Variants in SPAG16 observed in about 807,000 individuals in gnomAD.
SPAG16 encodes sperm associated antigen 16, also known as sperm-associated antigen 16 protein.
Under a neutral mutation model 80.4 loss-of-function variants are expected in SPAG16, and 86 were observed. The observed-to-expected ratio is 1.07, with a 90% CI of 0.90 to 1.28. The LOEUF (loss-of-function observed/expected upper bound fraction) is 1.28. Ranked by LOEUF, SPAG16 falls within the 50% of genes most tolerant of loss-of-function variation. The probability of loss-of-function intolerance (pLI) is 0.00; values close to 1 mark genes in which losing one functional copy is unlikely to be tolerated. For synonymous variants in SPAG16, 294 were observed against 265.9 expected (o/e 1.11, Z -1.03); for missense variants, 870 against 765.3 (o/e 1.14, Z -1.61).
intron 15 of SPAG16, among the ~76,000 whole-genome samples, chr2:214,224,499 T>G (rs1028723300): frequency 1.3e-5 from 2 of 152,144 alleles, no homozygotes. Context: ...ATAATAAGTT[T>G]GAAAAAGCTT....
chr2:214,217,577 T>C (rs2058464044), intron 15 of SPAG16, among the ~76,000 whole-genome samples: 1 of 152,198 alleles, frequency 6.6e-6, no homozygotes, highest in Non-Finnish European at 1.5e-5. Context: ...TAAGAGTACT[T>C]AATAAACACA....
chr2:213,967,088 A>G (rs1221096682), intron 12 of SPAG16, among the ~76,000 whole-genome samples: 1 of 152,152 alleles, frequency 6.6e-6, no homozygotes, highest in East Asian at 1.9e-4. Flanking sequence ...TTTCCTGTAA[A>G]TTCAAGTAGT....
intron 13 of SPAG16, among the ~76,000 whole-genome samples, chr2:214,038,369 TTC>T (rs1382002079): frequency 6.6e-6 from 1 of 152,154 alleles, no homozygotes; most frequent in African/African-American, 2.4e-5. Flanking sequence ...TCAATTTCAG[TTC>T]TGTTATTTCT....
At chr2:214,322,557 A>G (rs1696176242) in intron 15 of SPAG16, among the ~76,000 whole-genome samples, 2 of 151,908 alleles carry the variant, frequency 1.3e-5, no homozygotes, top group Admixed American at 6.6e-5. Flanking sequence ...TGTATTGCCA[A>G]AAAATAAATT....
chr2:214,208,422 A>G (rs560800827), intron 15 of SPAG16, among the ~76,000 whole-genome samples: 1 of 152,290 alleles, frequency 6.6e-6, no homozygotes, highest in East Asian at 1.9e-4. Context: ...TATGGAGAAT[A>G]CTGATAGTCC....
intron 12 of SPAG16, among the ~76,000 whole-genome samples, chr2:214,001,943 C>T (rs1256048724): frequency 6.6e-6 from 1 of 152,190 alleles, no homozygotes; most frequent in Non-Finnish European, 1.5e-5. Flanking sequence ...AATGGACTCA[C>T]AGTTCCATGT....
intron 9 of SPAG16, chr2:213,422,030 T>G (rs1335193707): frequency 3.4e-6 from 2 of 583,640 alleles, no homozygotes; most frequent in African/African-American, 3.7e-5. Context: ...TTCATGTACC[T>G]CATTCTTCCT....
chr2:213,463,132 T>G (rs952905167), intron 9 of SPAG16, among the ~76,000 whole-genome samples: 1 of 152,204 alleles, frequency 6.6e-6, no homozygotes, highest in South Asian at 2.1e-4. Flanking sequence ...AGACTGGCAG[T>G]GTTTTGCTCC....
At chr2:213,609,939 C>A (rs1202633241) in intron 10 of SPAG16, among the ~76,000 whole-genome samples, 1 of 152,012 alleles carries the variant, frequency 6.6e-6, no homozygotes, top group African/African-American at 2.4e-5. Context: ...CCCAGGGGCA[C>A]AGAGAAAGCA....
Position 214,318,667 on chromosome 2 carries a change from C to T in SPAG16, c.1721-91473C>T, listed in dbSNP as rs148497092. 6.7e-3 allele frequency among the ~76,000 whole-genome samples: 1,015 copies of T among 152,162 alleles called. 6 individuals are homozygous for T. The highest frequency in any genetic ancestry group is 0.011 in the Non-Finnish European group (741 of 67,988). ...CTGGGATGACAGGCATGAGCCACCG[C>T]GCCCAGCCCAGAGAGTGGACTCTTT... On this transcript the variant is annotated intron_variant, in intron 15 of 15. Transcript: ENST00000331683.
intron 10 of SPAG16, among the ~76,000 whole-genome samples, chr2:213,745,072 C>T (rs1021221365): frequency 2.0e-5 from 3 of 152,140 alleles, no homozygotes; most frequent in African/African-American, 7.2e-5. Context: ...GTTATGGTTT[C>T]ACGTTTTCAA....
intron 15 of SPAG16, among the ~76,000 whole-genome samples, chr2:214,285,686 C>G (rs562148116): frequency 6.6e-6 from 1 of 152,166 alleles, no homozygotes; most frequent in Non-Finnish European, 1.5e-5. Flanking sequence ...GCCTGTAATT[C>G]CAGCTACTCA....
chr2:213,886,515 C>A (rs2076561048), intron 11 of SPAG16, among the ~76,000 whole-genome samples: 1 of 151,990 alleles, frequency 6.6e-6, no homozygotes, highest in Admixed American at 6.6e-5. Context: ...GAAAAAACAA[C>A]CACAGCAACA....
intron 13 of SPAG16, among the ~76,000 whole-genome samples, chr2:214,036,993 G>A (rs773226892): frequency 1.3e-5 from 2 of 151,892 alleles, no homozygotes; most frequent in Non-Finnish European, 2.9e-5. Flanking sequence ...TATTCTAAAA[G>A]TGAGATCTAT....
intron 10 of SPAG16, among the ~76,000 whole-genome samples, chr2:213,495,748 C>T (rs2125753259): frequency 6.6e-6 from 1 of 152,192 alleles, no homozygotes; most frequent in African/African-American, 2.4e-5. Flanking sequence ...TAAGGGAAAC[C>T]TGAAGCAGGT....
intron 12 of SPAG16, among the ~76,000 whole-genome samples, chr2:214,011,604 A>G (rs982162361): frequency 6.6e-6 from 1 of 152,222 alleles, no homozygotes; most frequent in Non-Finnish European, 1.5e-5. Context: ...ATTTACAAAA[A>G]TAAGCAGTCA....
chr2:213,294,524 G>A (rs1300102901), intron 1 of SPAG16, among the ~76,000 whole-genome samples: 1 of 152,044 alleles, frequency 6.6e-6, no homozygotes, highest in Non-Finnish European at 1.5e-5. Context: ...CTATTTTTTT[G>A]TTTAATCATT....
chr2:213,953,448 C>A (rs2043958189), intron 12 of SPAG16, among the ~76,000 whole-genome samples: 1 of 151,490 alleles, frequency 6.6e-6, no homozygotes, highest in Non-Finnish European at 1.5e-5. Flanking sequence ...ATTCCCAGAG[C>A]TAAAGAAACA....
intron 10 of SPAG16, among the ~76,000 whole-genome samples, chr2:213,690,867 G>A (rs1429141665): frequency 1.3e-5 from 2 of 152,090 alleles, no homozygotes; most frequent in African/African-American, 4.8e-5. Flanking sequence ...CTGCACTGTT[G>A]GCTTCCCTGA....
Sources: gnomAD v4.1 joint callset for allele counts (sites outside exome capture counted in the v4.1 genomes callset) on GRCh38, gnomAD v4.1.1 for gene constraint, MANE v1.5 for transcripts, NCBI Gene and HGNC (gene_info 2026-07-23, HGNC 2026-07-21) for gene names.